The following GALNT8 variants were observed in gnomAD, a reference collection of about 807,000 sequenced individuals.
The protein encoded by GALNT8 is polypeptide N-acetylgalactosaminyltransferase 8, also known as probable polypeptide N-acetylgalactosaminyltransferase 8.
A neutral mutation model predicts 62.7 loss-of-function variants in GALNT8; 66 were observed. That is an observed-to-expected ratio of 1.05 (90% CI 0.86 to 1.29). The LOEUF (loss-of-function observed/expected upper bound fraction) is 1.29. Among genes scored for constraint, GALNT8 ranks in the 50% most tolerant of loss-of-function variants. The pLI is 0.00. For missense variants in GALNT8, 771 were observed against 791.8 expected (o/e 0.97, Z 0.32); for synonymous variants, 288 against 294.3 (o/e 0.98, Z 0.22).
At chr12:4,763,417 A>G in intron 8 of GALNT8, 27 bp downstream of exon 8, 1 of 1,591,472 alleles carries the variant, frequency 6.3e-7, no homozygotes. Context: ...TGCACTTTGG[A>G]TTTTAAATGT....
intron 10 of GALNT8, among the ~76,000 whole-genome samples, chr12:4,766,099 ATG>A (rs1946398923): frequency 6.6e-6 from 1 of 152,198 alleles, no homozygotes; most frequent in Non-Finnish European, 1.5e-5. Flanking sequence ...TGATAGGTAT[ATG>A]AAAGGTTCAG....
At chr12:4,769,613 A>G (rs1442613336) in intron 10 of GALNT8, among the ~76,000 whole-genome samples, 4 of 152,134 alleles carry the variant, frequency 2.6e-5, no homozygotes, top group African/African-American at 7.2e-5. Flanking sequence ...GAAAAGATGT[A>G]TATAGAATGT....
intron 1 of GALNT8, among the ~76,000 whole-genome samples, chr12:4,722,679 A>G (rs954909960): frequency 2.0e-5 from 3 of 152,114 alleles, no homozygotes; most frequent in African/African-American, 7.2e-5. Context: ...CTGGAACCCC[A>G]TAGGGAGGTG....
At chr12:4,736,760 T>C (rs1946247174) in intron 2 of GALNT8, among the ~76,000 whole-genome samples, 2 of 152,192 alleles carry the variant, frequency 1.3e-5, no homozygotes, top group South Asian at 4.1e-4. Context: ...ACAGAGTTAC[T>C]AGATGCTTTG....
At chr12:4,757,616 C>T (rs1443439561) in intron 6 of GALNT8, among the ~76,000 whole-genome samples, 1 of 152,102 alleles carries the variant, frequency 6.6e-6, no homozygotes, top group African/African-American at 2.4e-5. Flanking sequence ...AAGAGCACTA[C>T]CTGAAAGTTG....
Position 4,760,433 on chromosome 12 carries a change from A to G in GALNT8, c.1174-525A>G, listed in dbSNP as rs144691159. Among the ~76,000 whole-genome samples the G allele has an allele frequency of 4.7e-3, 710 of 152,348 alleles. 3 individuals carry two copies. The highest frequency in any genetic ancestry group is 7.7e-3 in the Non-Finnish European group (522 of 68,028). Reference sequence around the variant, plus strand: ...AGTGTATTCATGATCCATGTAATCAAGCACATCCTGCCATCCTTGCCATAT... The same window carrying G: ...AGTGTATTCATGATCCATGTAATCAGGCACATCCTGCCATCCTTGCCATAT... On this transcript the variant is annotated intron_variant, in intron 6 of 10. Transcript: ENST00000252318.
intron 6 of GALNT8, among the ~76,000 whole-genome samples, chr12:4,760,409 G>A (rs889350285): frequency 1.3e-5 from 2 of 152,218 alleles, no homozygotes; most frequent in Admixed American, 1.3e-4. Context: ...ATCTTATGCA[G>A]TGTATTCATG....
chr12:4,744,265 G>C (rs1318797913), intron 3 of GALNT8, among the ~76,000 whole-genome samples: 1 of 152,164 alleles, frequency 6.6e-6, no homozygotes, highest in African/African-American at 2.4e-5. Flanking sequence ...CTGACACGTA[G>C]TAAGCAGTAT....
In GALNT8 at chr12:4,726,586, A is replaced by C; in HGVS notation, c.266A>C (p.Lys89Thr). The C allele has an allele frequency of 6.2e-7, 1 of 1,613,700 alleles. No individual in the cohort carries two copies. The highest frequency in any genetic ancestry group is 8.5e-7 in the Non-Finnish European group (1 of 1,179,616). Residue 89 changes from lysine (K) to threonine (T), a missense_variant, in exon 2 of 11, where the codon AAG becomes ACG. Physicochemically the swap from Lys to Thr is moderately conservative, Grantham distance 78. Transcript: ENST00000252318. This position sits in a 1 kb window ranked among gnomAD's most constrained non-coding sequence, Gnocchi z 4.1. The stretch of plus-strand genomic sequence containing the variant: ...CAAGAAAATGTGAACAGCACACTGA[A>C]GAGGGCGAAAGATGAAGTACGCCCT... ...RQQENVNSTL[K>T]RAKDEVRPLL...
At chr12:4,739,393 A>G in intron 3 of GALNT8, 64 bp downstream of exon 3, 1 of 1,419,948 alleles carries the variant, frequency 7.0e-7, no homozygotes, top group East Asian at 2.3e-5. Flanking sequence ...TTGGCTGGAA[A>G]GAGGTTTTGG....
chr12:4,761,056 C>T lies in GALNT8; in HGVS notation c.1272C>T (p.Ala424=), dbSNP rs766979231. ...CCTACGCCTTGGATCTCACCGCTGC[C>T]TTGAAGCGCAATGCTCTGCGAGTGG... The part of the protein sequence containing the change: ...HKPYALDLTA[A]LKRNALRVAE... Residue 424 remains alanine, a synonymous_variant, in exon 7 of 11, where the codon GCC becomes GCT. Coordinates refer to ENST00000252318, the MANE Select transcript of GALNT8 (RefSeq NM_017417.2). 6.2e-7 allele frequency: 1 copy of T among 1,614,038 alleles called. No homozygotes were observed. The highest frequency in any genetic ancestry group is 8.5e-7 in the Non-Finnish European group (1 of 1,179,980).
chr12:4,756,901 T>A (rs959755470), intron 6 of GALNT8, among the ~76,000 whole-genome samples: 3 of 152,236 alleles, frequency 2.0e-5, no homozygotes, highest in Non-Finnish European at 4.4e-5. Context: ...ATATCTCATC[T>A]TAAATTATAA....
rs1422674713 is a variant in GALNT8, at chr12:4,761,106, AAC to A, written c.1326_1327del (p.Met443GlyfsTer32). 6.2e-7 allele frequency: 1 copy of A among 1,614,136 alleles called. No homozygotes were observed. Among genetic ancestry groups the A allele is most frequent in the Non-Finnish European group, 8.5e-7 (1 of 1,180,016 alleles). On this transcript the variant is annotated frameshift_variant, in exon 7 of 11. Coordinates refer to ENST00000252318, the MANE Select transcript of GALNT8 (RefSeq NM_017417.2). LOFTEE classifies it high-confidence loss of function. Reference sequence around the variant, plus strand: ...GCCGAAATCTGGATGGATGAGCACAAACACATGGTCTACTTGGCCTGGAACAT... The same window carrying A: ...GCCGAAATCTGGATGGATGAGCACAAACATGGTCTACTTGGCCTGGAACAT...
rs1309566271 is a variant in GALNT8, at chr12:4,749,967, G to C, written c.1173+3709G>C. 2.0e-5 allele frequency among the ~76,000 whole-genome samples: 3 copies of C among 151,960 alleles called. No homozygotes were observed. The highest frequency in any genetic ancestry group is 2.9e-5 in the Non-Finnish European group (2 of 67,964). On this transcript the variant is annotated intron_variant, in intron 6 of 10. Transcript: ENST00000252318. This position sits in a 1 kb window ranked among gnomAD's most constrained non-coding sequence, Gnocchi z 4.1. ...CTTGTTGGCATACAGTTGCTTATAG[G>C]AGCTGTTAGTGTTCCTTTAAATTTA...
intron 1 of GALNT8, 68 bp downstream of exon 1, chr12:4,720,956 G>C (rs998376653): frequency 2.1e-6 from 2 of 974,262 alleles, no homozygotes; most frequent in African/African-American, 3.2e-5. Flanking sequence ...TTAGGAAAAA[G>C]GGATATGGAA....
At position 4,754,245 on chromosome 12, in the gene GALNT8, G is replaced by C. The variant is rs183671635; in HGVS notation, c.1174-6713G>C. 1.9e-4 allele frequency among the ~76,000 whole-genome samples: 29 copies of C among 152,254 alleles called. No individual in the cohort carries two copies. The East Asian group carries it at 5.4e-3, about 28-fold the overall frequency. ...TGCTCTACAATCAGTAGGTGGCAAA[G>C]CCAGGACACAGGACACAGGCCTGTG... On this transcript the variant is annotated intron_variant, in intron 6 of 10. Coordinates refer to ENST00000252318, the MANE Select transcript of GALNT8 (RefSeq NM_017417.2).
chr12:4,740,420 T>C (rs1946266990), intron 3 of GALNT8, among the ~76,000 whole-genome samples: 1 of 151,970 alleles, frequency 6.6e-6, no homozygotes, highest in African/African-American at 2.4e-5. Flanking sequence ...CTTACGTGTG[T>C]TAACTTTTTT....
At chr12:4,764,918 A>T (rs1946392093) in intron 9 of GALNT8, among the ~76,000 whole-genome samples, 1 of 150,568 alleles carries the variant, frequency 6.6e-6, no homozygotes, top group East Asian at 2.0e-4. Context: ...TGCTGCCCTC[A>T]TAGCAACCTT....
At chr12:4,767,972 A>G (rs1447673266) in intron 10 of GALNT8, among the ~76,000 whole-genome samples, 1 of 152,166 alleles carries the variant, frequency 6.6e-6, no homozygotes, top group African/African-American at 2.4e-5. Context: ...AGTTTTGACA[A>G]TCCCCTTTAA....
Sources: gnomAD v4.1 joint callset for allele counts (sites outside exome capture counted in the v4.1 genomes callset) on GRCh38, gnomAD v4.1.1 for gene constraint, Gnocchi (gnomAD v3.1) non-coding constraint, MANE v1.5 for transcripts, NCBI Gene and HGNC (gene_info 2026-07-23, HGNC 2026-07-21) for gene names.